Variants in PALLD observed in about 807,000 individuals in gnomAD.
The protein encoded by PALLD is palladin.
PALLD carries 61 observed loss-of-function variants against 123.5 expected under a neutral mutation model. The ratio of observed to expected loss-of-function variants is 0.49; its 90% CI spans 0.40 to 0.61. The LOEUF (loss-of-function observed/expected upper bound fraction) is 0.61. Among genes scored for constraint, PALLD ranks in the 20% least tolerant of loss-of-function variants. The pLI, the probability that PALLD is intolerant of heterozygous loss-of-function variation, is 0.00. For missense variants in PALLD, 1,273 were observed against 1,377.0 expected (o/e 0.92, Z 1.20); for synonymous variants, 465 against 496.4 (o/e 0.94, Z 0.84).
chr4:168,798,099 G>A (rs982915636), intron 10 of PALLD, among the ~76,000 whole-genome samples: 1 of 152,116 alleles, frequency 6.6e-6, no homozygotes, highest in African/African-American at 2.4e-5. Context: ...TAGAGCCAAG[G>A]CTCAGGGTTT....
intron 2 of PALLD, among the ~76,000 whole-genome samples, chr4:168,628,471 T>A (rs1376866969): frequency 1.3e-5 from 2 of 152,178 alleles, no homozygotes; most frequent in Non-Finnish European, 2.9e-5. Context: ...CTTTCTCTGT[T>A]TCAGCCACAT....
intron 10 of PALLD, among the ~76,000 whole-genome samples, chr4:168,754,618 G>C (rs897705561): frequency 6.6e-6 from 1 of 152,180 alleles, no homozygotes; most frequent in Non-Finnish European, 1.5e-5. Context: ...AAAAACAATT[G>C]TGTGATTTTA....
chr4:168,591,873 A>G lies in PALLD; in HGVS notation c.909-76317A>G, dbSNP rs149041538. The stretch of plus-strand genomic sequence containing the variant: ...TTCAATGTTATCTGTGGAGAATGAA[A>G]AGGAAATAAAAGACGAGGCTTTGGA... On this transcript the variant is annotated intron_variant, in intron 2 of 21. Coordinates refer to ENST00000505667, the MANE Select transcript of PALLD (RefSeq NM_001166108.2). Among the ~76,000 whole-genome samples the G allele has an allele frequency of 5.8e-3, 887 of 152,304 alleles. 8 individuals are homozygous for G. Among genetic ancestry groups the G allele is most frequent in the African/African-American group, 0.016 (661 of 41,564 alleles).
At chr4:168,566,490 G>A (rs1327528028) in intron 2 of PALLD, among the ~76,000 whole-genome samples, 3 of 152,012 alleles carry the variant, frequency 2.0e-5, no homozygotes, top group African/African-American at 7.2e-5. Flanking sequence ...TCGAGACGGG[G>A]TCTCCCTATG....
At chr4:168,618,734 C>A (rs767172311) in intron 2 of PALLD, among the ~76,000 whole-genome samples, 2 of 152,196 alleles carry the variant, frequency 1.3e-5, no homozygotes, top group Non-Finnish European at 2.9e-5. Flanking sequence ...AAAAATGCCA[C>A]CTGTCACTGC....
intron 2 of PALLD, among the ~76,000 whole-genome samples, chr4:168,549,700 A>G (rs778070101): frequency 2.0e-5 from 3 of 152,176 alleles, no homozygotes; most frequent in Admixed American, 2.0e-4. Context: ...AAAGATATCC[A>G]TCAAAGGGCT....
intron 10 of PALLD, among the ~76,000 whole-genome samples, chr4:168,834,266 G>A (rs1052044764): frequency 1.3e-5 from 2 of 152,068 alleles, no homozygotes; most frequent in African/African-American, 4.8e-5. Context: ...TGATAGCTGG[G>A]ATGGTGTGGT....
At chr4:168,634,950 GA>G (rs1198498920) in intron 2 of PALLD, among the ~76,000 whole-genome samples, 1 of 152,018 alleles carries the variant, frequency 6.6e-6, no homozygotes, top group Non-Finnish European at 1.5e-5. Context: ...CTGAAAGTTT[GA>G]AAAGCTTTTT....
intron 10 of PALLD, among the ~76,000 whole-genome samples, chr4:168,741,715 G>GGAGA (rs143187290): frequency 6.6e-6 from 1 of 151,172 alleles, no homozygotes; most frequent in African/African-American, 2.4e-5. Context: ...AAGAATGGTT[G>GGAGA]GAGAGAGAGA....
At chr4:168,786,856 C>T (rs1736836569) in intron 10 of PALLD, among the ~76,000 whole-genome samples, 1 of 152,074 alleles carries the variant, frequency 6.6e-6, no homozygotes, top group Admixed American at 6.5e-5. Context: ...AATTTGAGAA[C>T]AACTTGGGGG....
intron 4 of PALLD, among the ~76,000 whole-genome samples, chr4:168,682,229 A>G (rs926229136): frequency 2.0e-5 from 3 of 152,214 alleles, no homozygotes; most frequent in African/African-American, 7.2e-5. Context: ...CCTATTATGG[A>G]AAAGTCCATA....
intron 10 of PALLD, among the ~76,000 whole-genome samples, chr4:168,775,754 T>C (rs1445015253): frequency 1.3e-5 from 2 of 152,228 alleles, no homozygotes; most frequent in African/African-American, 2.4e-5. Context: ...TTTGTTTGCA[T>C]ATGCATTTGA....
chr4:168,711,010 G>A (rs1007239893), intron 9 of PALLD, among the ~76,000 whole-genome samples: 7 of 152,172 alleles, frequency 4.6e-5, no homozygotes, highest in African/African-American at 1.7e-4. Context: ...GTGATCTCAA[G>A]ATGCTTTCAG....
intron 2 of PALLD, among the ~76,000 whole-genome samples, chr4:168,614,901 C>T (rs1230269893): frequency 7.2e-5 from 11 of 152,032 alleles, no homozygotes; most frequent in African/African-American, 2.7e-4. Context: ...AGACTAAGAC[C>T]ATGAATAAAA....
At chr4:168,694,535 ACTCTTCTCTTTACT>A (rs763385461) in intron 8 of PALLD, among the ~76,000 whole-genome samples, 163 of 148,876 alleles carry the variant, frequency 1.1e-3, no homozygotes, top group East Asian at 9.1e-3. Context: ...TTTTTTCTTT[ACTCTTCTCTTTACT>A]CTCTTCTCTT....
At chr4:168,715,869 G>C (rs1785309576) in intron 10 of PALLD, among the ~76,000 whole-genome samples, 1 of 152,016 alleles carries the variant, frequency 6.6e-6, no homozygotes, top group Non-Finnish European at 1.5e-5. Flanking sequence ...AGAATGGCGT[G>C]AACCCGGAGG....
intron 2 of PALLD, among the ~76,000 whole-genome samples, chr4:168,631,399 T>C (rs1775784554): frequency 1.3e-5 from 2 of 152,372 alleles, no homozygotes; most frequent in South Asian, 4.1e-4. Flanking sequence ...GGAGTGGCTT[T>C]AGAAATCGCC....
chr4:168,582,572 T>C (rs758073225), intron 2 of PALLD, among the ~76,000 whole-genome samples: 2 of 152,166 alleles, frequency 1.3e-5, no homozygotes, highest in Non-Finnish European at 2.9e-5. Flanking sequence ...GGGCTTGTCA[T>C]ATATGCCTTT....
intron 2 of PALLD, among the ~76,000 whole-genome samples, chr4:168,584,194 A>G (rs1274295795): frequency 1.3e-5 from 2 of 149,694 alleles, no homozygotes; most frequent in African/African-American, 2.5e-5. Context: ...ACCAGCTTAT[A>G]TAGTACTCTA....
Sources: gnomAD v4.1 joint callset for allele counts (sites outside exome capture counted in the v4.1 genomes callset) on GRCh38, gnomAD v4.1.1 for gene constraint, MANE v1.5 for transcripts, NCBI Gene and HGNC (gene_info 2026-07-23, HGNC 2026-07-21) for gene names.